The following HERC4 variants were observed in gnomAD, a reference collection of about 807,000 sequenced individuals.
The protein encoded by HERC4 is probable E3 ubiquitin-protein ligase HERC4.
Under a neutral mutation model 124.3 loss-of-function variants are expected in HERC4, and 28 were observed. The observed-to-expected ratio is 0.23, with a 90% CI of 0.17 to 0.31. HERC4 has a LOEUF of 0.31. Among genes scored for constraint, HERC4 ranks in the 10% least tolerant of loss-of-function variants. The pLI, the probability that HERC4 is intolerant of heterozygous loss-of-function variation, is 1.00. For missense variants in HERC4, 713 were observed against 1,229.3 expected (o/e 0.58, Z 6.28); for synonymous variants, 407 against 421.5 (o/e 0.97, Z 0.42).
At chr10:68,062,094 T>C (rs1217151798) in intron 3 of HERC4, among the ~76,000 whole-genome samples, 2 of 152,098 alleles carry the variant, frequency 1.3e-5, no homozygotes, top group African/African-American at 4.8e-5. Context: ...ACAGTTGGAA[T>C]GTCAGCCTAT....
Position 68,044,560 on chromosome 10 carries a change from T to C in HERC4, c.230A>G (p.Gln77Arg). Residue 77 changes from glutamine to arginine, a missense_variant, in exon 4 of 25, where the codon CAG (glutamine) becomes CGG (arginine). Transcript: ENST00000373700. ...ATTTTGGGCATCCAGGGCAACAACC[T>C]GCTCTACAGAAATCAAGAAGAGAAA... ...GHEKSRKKPEQVVALDAQNIV... is the reference protein window; with the variant it reads ...GHEKSRKKPERVVALDAQNIV... The C allele has an allele frequency of 6.2e-7, 1 of 1,612,580 alleles. No individual in the cohort carries two copies. The highest frequency in any genetic ancestry group is 2.2e-5 in the East Asian group (1 of 44,862).
At chr10:67,982,198 T>C (rs139214223) in intron 15 of HERC4, among the ~76,000 whole-genome samples, 39 of 152,258 alleles carry the variant, frequency 2.6e-4, no homozygotes, top group Admixed American at 2.4e-3. Flanking sequence ...GGAATCATAT[T>C]ACCTGACTTC....
chr10:68,025,317 C>CA (rs1318308749), intron 8 of HERC4, among the ~76,000 whole-genome samples: 1 of 152,074 alleles, frequency 6.6e-6, no homozygotes, highest in African/African-American at 2.4e-5. Context: ...TATAATATTA[C>CA]ATATACACTA....
chr10:67,961,013 TAA>T (rs1013970902), intron 16 of HERC4: 4 of 342,746 alleles, frequency 1.2e-5, no homozygotes, highest in African/African-American at 4.5e-5. Context: ...GTGCTGAGAG[TAA>T]GAGGTCTTCT....
chr10:67,952,748 A>T (rs2033884135), intron 19 of HERC4, among the ~76,000 whole-genome samples: 1 of 151,800 alleles, frequency 6.6e-6, no homozygotes, highest in Non-Finnish European at 1.5e-5. Context: ...AATATAAAAA[A>T]AATTAGCCGG....
At chr10:67,951,401 G>A (rs997344772) in intron 19 of HERC4, among the ~76,000 whole-genome samples, 8 of 152,146 alleles carry the variant, frequency 5.3e-5, no homozygotes, top group South Asian at 2.1e-4. Context: ...ACAAAGCCTC[G>A]AAACTCATAG....
At chr10:67,949,882 G>C (rs2033670626) in intron 19 of HERC4, among the ~76,000 whole-genome samples, 2 of 152,088 alleles carry the variant, frequency 1.3e-5, no homozygotes, top group African/African-American at 4.8e-5. Context: ...AGCCAGGTAT[G>C]GTGGCGCACA....
intron 3 of HERC4, among the ~76,000 whole-genome samples, chr10:68,051,654 C>T (rs1354947255): frequency 6.6e-6 from 1 of 150,528 alleles, no homozygotes; most frequent in African/African-American, 2.4e-5. Context: ...CCACCATGCC[C>T]GGCCAATGTT....
chr10:68,051,075 G>C (rs532154466), intron 3 of HERC4, among the ~76,000 whole-genome samples: 101 of 143,664 alleles, frequency 7.0e-4, no homozygotes, highest in African/African-American at 2.3e-3. Flanking sequence ...CACATCAATT[G>C]ATGATCAGTA....
In HERC4 at chr10:67,936,182, A is replaced by C. The variant is rs749537472; in HGVS notation, c.2625T>G (p.Gly875=). Residue 875 remains glycine, a synonymous_variant, in exon 22 of 25, where the codon GGT becomes GGG. Coordinates refer to ENST00000373700, the MANE Select transcript of HERC4 (RefSeq NM_015601.4). The part of the protein sequence containing the change: ...ATEVKELVLN[G]ADTAVNKQNR... ...TTTGTTTGTTAACAGCTGTGTCTGC[A>C]CCATTTAGAACCAGCTCTTTCACTT... is the stretch of plus-strand genomic sequence containing the variant. 6.2e-7 allele frequency: 1 copy of C among 1,603,096 alleles called. No homozygotes were observed. The highest frequency in any genetic ancestry group is 8.5e-7 in the Non-Finnish European group (1 of 1,176,148).
intron 22 of HERC4, among the ~76,000 whole-genome samples, chr10:67,934,990 G>A (rs190650662): frequency 8.8e-6 from 1 of 113,784 alleles, no homozygotes; most frequent in African/African-American, 3.4e-5. Flanking sequence ...ATTTTTAATT[G>A]TATGCATCTG....
At chr10:68,044,304 G>T in intron 4 of HERC4, 100 bp downstream of exon 4, 1 of 1,103,598 alleles carries the variant, frequency 9.1e-7, no homozygotes. Context: ...GAAATAATGA[G>T]ATGTCAACTC....
At chr10:68,069,187 A>G in intron 3 of HERC4, 2 of 963,878 alleles carry the variant, frequency 2.1e-6, no homozygotes, top group Non-Finnish European at 2.5e-6. Flanking sequence ...CCATACTTAA[A>G]ATCTTCAGAA....
intron 4 of HERC4, 65 bp downstream of exon 4, chr10:68,044,339 C>T (rs750238070): frequency 1.3e-5 from 19 of 1,490,308 alleles, no homozygotes; most frequent in Non-Finnish European, 1.5e-5. Context: ...ATAAGCAGAA[C>T]AATTTAGATT....
At chr10:68,028,790 T>C (rs917449873) in intron 7 of HERC4, among the ~76,000 whole-genome samples, 5 of 152,216 alleles carry the variant, frequency 3.3e-5, no homozygotes, top group Non-Finnish European at 7.3e-5. Context: ...AAGCTGAAAA[T>C]CATAGTTTAT....
Position 67,922,865 on chromosome 10 carries a change from TCAC to T in HERC4, c.*63_*65del, listed in dbSNP as rs774466860. 1.1e-5 allele frequency: 12 copies of T among 1,123,002 alleles called. No homozygotes were observed. Among genetic ancestry groups the T allele is most frequent in the Admixed American group, 2.2e-5 (1 of 45,918 alleles). 69.6% of individuals were successfully genotyped at this position (1,123,002 alleles called of 1,614,324 possible). A position where few individuals can be genotyped will look rare whatever the true frequency, so the allele number is the denominator to read the frequency against. ...TACCTCTGTCACCTTGCTGAATTCA[TCAC>T]CACAAGAAAAACACAAATAGTTTAA... is the stretch of plus-strand genomic sequence containing the variant. On this transcript the variant is annotated 3_prime_UTR_variant, in exon 25 of 25. Transcript: ENST00000373700.
In HERC4 at chr10:67,975,553, T is replaced by C. The variant is rs553950556; in HGVS notation, c.1807-8751A>G. 3.9e-5 allele frequency among the ~76,000 whole-genome samples: 6 copies of C among 152,256 alleles called. No individual in the cohort carries two copies. In the East Asian group the frequency reaches 9.7e-4, roughly 25 times the overall value. On this transcript the variant is annotated intron_variant, in intron 15 of 24. Coordinates refer to ENST00000373700, the MANE Select transcript of HERC4 (RefSeq NM_015601.4). ...TTTGTAGAGATGGGATTTCACCATA[T>C]TGGCCAGGCTGGTCTCAAATTCCTG...
intron 7 of HERC4, among the ~76,000 whole-genome samples, chr10:68,026,840 CAA>C (rs35768029): frequency 7.1e-6 from 1 of 141,526 alleles, no homozygotes; most frequent in Non-Finnish European, 1.5e-5. Context: ...GACTCCGTCT[CAA>C]AAAAAAAAAA....
At chr10:68,010,539 C>A (rs896505104) in intron 9 of HERC4, 8 of 971,932 alleles carry the variant, frequency 8.2e-6, no homozygotes, top group South Asian at 2.8e-5. Flanking sequence ...GGGCTTCAGG[C>A]GCTGCAGGAA....
Sources: allele counts gnomAD v4.1 joint callset (sites outside exome capture counted in the v4.1 genomes callset), GRCh38; gene constraint gnomAD v4.1.1; transcripts MANE v1.5; gene names NCBI Gene and HGNC (gene_info 2026-07-23, HGNC 2026-07-21).